The following CHRM3 variants were observed in gnomAD, a reference collection of about 807,000 sequenced individuals.
The protein encoded by CHRM3 is cholinergic receptor muscarinic 3.
In CHRM3, 11 loss-of-function variants were observed where a neutral mutation model predicts 41.8. That is an observed-to-expected ratio of 0.26 (90% CI 0.17 to 0.44). The LOEUF (loss-of-function observed/expected upper bound fraction) is 0.44, where lower values mean the gene tolerates loss of function less well. CHRM3 is among the 20% of genes least tolerant of loss of function. The pLI is 1.00. For missense variants in CHRM3, 571 were observed against 745.4 expected, an observed-to-expected ratio of 0.77 and a Z score of 2.72; for synonymous variants, 297 against 301.4, an observed-to-expected ratio of 0.99 and a Z score of 0.15.
At chr1:239,807,472 C>T (rs1006475883) in intron 5 of CHRM3, among the ~76,000 whole-genome samples, 1 of 152,136 alleles carries the variant, frequency 6.6e-6, no homozygotes, top group Non-Finnish European at 1.5e-5. Flanking sequence ...AGGAATGCTA[C>T]AGGGGGAATG....
Position 239,908,778 on chromosome 1 carries a change from G to A in CHRM3, c.1327G>A (p.Val443Ile), listed in dbSNP as rs144239896. ...CGTGGACACAGCTAAGACTTCTGAC[G>A]TCAACTCCTCAGTGGGTAAGAGCAC... ...SAVDTAKTSD[V>I]NSSVGKSTAT... Residue 443 changes from valine (V) to isoleucine (I), a missense_variant, in exon 7 of 7, where the codon GTC becomes ATC. By Grantham distance (29) the Val-to-Ile change is conservative. Coordinates refer to ENST00000676153, the MANE Select transcript of CHRM3 (RefSeq NM_001375978.1). The surrounding 1 kb of genome is among the most constrained non-coding windows in gnomAD (Gnocchi z 7.2). 8.6e-5 allele frequency: 139 copies of A among 1,613,944 alleles called. No homozygotes were observed. Among genetic ancestry groups the A allele is most frequent in the Admixed American group, 3.5e-4 (21 of 59,992 alleles).
chr1:239,456,129 T>C (rs1284698609), intron 1 of CHRM3, among the ~76,000 whole-genome samples: 1 of 152,160 alleles, frequency 6.6e-6, no homozygotes, highest in African/African-American at 2.4e-5. Flanking sequence ...TTGATACTTT[T>C]TTTGAGAGGC....
chr1:239,836,331 C>T (rs1375949474), intron 6 of CHRM3, among the ~76,000 whole-genome samples: 3 of 152,052 alleles, frequency 2.0e-5, no homozygotes, highest in South Asian at 2.1e-4. Context: ...ATCAAGCATC[C>T]GAGCCTGTCA....
At chr1:239,810,132 G>C (rs1050554315) in intron 5 of CHRM3, among the ~76,000 whole-genome samples, 3 of 152,150 alleles carry the variant, frequency 2.0e-5, no homozygotes, top group African/African-American at 7.2e-5. Context: ...AAGCTGATCT[G>C]TGTGTTGCAG....
At chr1:239,652,817 T>TA (rs5782090) in intron 4 of CHRM3, among the ~76,000 whole-genome samples, 40,739 of 152,078 alleles carry the variant, frequency 0.27, 5,632 homozygotes, top group Admixed American at 0.3. Context: ...GCCTATCTCA[T>TA]AAAGTCGTGA....
chr1:239,763,498 A>G (rs1267394180), intron 5 of CHRM3, among the ~76,000 whole-genome samples: 2 of 152,226 alleles, frequency 1.3e-5, no homozygotes, highest in Non-Finnish European at 2.9e-5. Context: ...AATTAACAAC[A>G]TCACTTAAAT....
chr1:239,871,006 G>T (rs1228354251), intron 6 of CHRM3, among the ~76,000 whole-genome samples: 1 of 151,800 alleles, frequency 6.6e-6, no homozygotes, highest in African/African-American at 2.4e-5. Context: ...TGCTCTTCCT[G>T]ACCCATCCCA....
intron 2 of CHRM3, among the ~76,000 whole-genome samples, chr1:239,530,525 G>T (rs1426199680): frequency 6.6e-6 from 1 of 152,172 alleles, no homozygotes; most frequent in South Asian, 2.1e-4. Context: ...AACTGTCAGT[G>T]CAGGGTTCCA....
chr1:239,507,711 G>A (rs1003038589), intron 2 of CHRM3, among the ~76,000 whole-genome samples: 1 of 152,138 alleles, frequency 6.6e-6, no homozygotes, highest in East Asian at 1.9e-4. Context: ...ATGGAATTTA[G>A]GAAACTGGTC....
At chr1:239,791,759 A>T (rs1669370372) in intron 5 of CHRM3, among the ~76,000 whole-genome samples, 1 of 152,198 alleles carries the variant, frequency 6.6e-6, no homozygotes, top group South Asian at 2.1e-4. Flanking sequence ...AGACACTGAG[A>T]TGGGTAAGAA....
At chr1:239,789,049 T>C (rs535619123) in intron 5 of CHRM3, among the ~76,000 whole-genome samples, 3 of 152,294 alleles carry the variant, frequency 2.0e-5, no homozygotes, top group South Asian at 4.1e-4. Flanking sequence ...TTTCTCTGAG[T>C]GATTTGAGGA....
At chr1:239,552,509 A>T (rs919488883) in intron 3 of CHRM3, among the ~76,000 whole-genome samples, 5 of 146,824 alleles carry the variant, frequency 3.4e-5, no homozygotes, top group Non-Finnish European at 6.0e-5. Context: ...TATATATTTT[A>T]TATATATATA....
At chr1:239,410,810 C>G (rs551526231) in intron 1 of CHRM3, among the ~76,000 whole-genome samples, 1 of 152,320 alleles carries the variant, frequency 6.6e-6, no homozygotes, top group Non-Finnish European at 1.5e-5. Context: ...ACTGCCCCTT[C>G]ATGCTTAGTT....
At chr1:239,410,595 G>T (rs1660989351) in intron 1 of CHRM3, among the ~76,000 whole-genome samples, 2 of 152,152 alleles carry the variant, frequency 1.3e-5, no homozygotes, top group Admixed American at 6.5e-5. Context: ...TGATCTCACG[G>T]TCTGTCACAT....
intron 2 of CHRM3, among the ~76,000 whole-genome samples, chr1:239,494,274 C>T (rs1212962937): frequency 6.6e-6 from 1 of 152,042 alleles, no homozygotes; most frequent in Non-Finnish European, 1.5e-5. Flanking sequence ...CTAGGGATGG[C>T]TTTCATTGCC....
intron 3 of CHRM3, among the ~76,000 whole-genome samples, chr1:239,584,879 G>A (rs1301555967): frequency 6.6e-6 from 1 of 151,978 alleles, no homozygotes; most frequent in African/African-American, 2.4e-5. Flanking sequence ...AGTTCTTCCT[G>A]CTTACAAAGC....
intron 6 of CHRM3, among the ~76,000 whole-genome samples, chr1:239,829,228 C>T (rs1672707466): frequency 6.6e-6 from 1 of 152,076 alleles, no homozygotes; most frequent in Non-Finnish European, 1.5e-5. Context: ...AATTTTGGCC[C>T]TTCTGAGCTT....
intron 1 of CHRM3, among the ~76,000 whole-genome samples, chr1:239,471,759 G>A (rs1311366421): frequency 1.3e-5 from 2 of 152,174 alleles, no homozygotes; most frequent in Non-Finnish European, 2.9e-5. Context: ...CATTTTGAGA[G>A]CACGGCTGTG....
intron 5 of CHRM3, among the ~76,000 whole-genome samples, chr1:239,727,305 A>T (rs1268430630): frequency 6.6e-6 from 1 of 151,980 alleles, no homozygotes; most frequent in African/African-American, 2.4e-5. Context: ...TGACCCCAAA[A>T]GAATGAATAT....
Sources: gnomAD v4.1 joint callset for allele counts (sites outside exome capture counted in the v4.1 genomes callset) on GRCh38, gnomAD v4.1.1 for gene constraint, Gnocchi (gnomAD v3.1) non-coding constraint, MANE v1.5 for transcripts, NCBI Gene and HGNC (gene_info 2026-07-23, HGNC 2026-07-21) for gene names.